SSPN: variants seen among roughly 807,000 people sequenced by gnomAD.
The protein encoded by SSPN is sarcospan.
In SSPN, 15 loss-of-function variants were observed where a neutral mutation model predicts 19.1. The ratio of observed to expected loss-of-function variants is 0.78; its 90% CI spans 0.52 to 1.21. The LOEUF (loss-of-function observed/expected upper bound fraction) is 1.21. SSPN is among the 50% of genes most tolerant of loss of function. The probability of loss-of-function intolerance (pLI) is 0.00; values close to 1 mark genes in which losing one functional copy is unlikely to be tolerated. For synonymous variants in SSPN, 147 were observed against 140.3 expected (o/e 1.05, Z -0.34); for missense variants, 291 against 314.0 (o/e 0.93, Z 0.55).
intron 1 of SSPN, among the ~76,000 whole-genome samples, chr12:26,149,470 A>G (rs1307086274): frequency 6.6e-6 from 1 of 152,226 alleles, no homozygotes; most frequent in Admixed American, 6.5e-5. Flanking sequence ...CAGAGCAGCC[A>G]AATGCCAGAC....
At chr12:26,198,085 A>C (rs181977217) in intron 1 of SSPN, among the ~76,000 whole-genome samples, 38 of 152,052 alleles carry the variant, frequency 2.5e-4, no homozygotes, top group African/African-American at 8.7e-4. Flanking sequence ...AACGAGGCAG[A>C]TGGCAAAGTG....
At chr12:26,135,217 T>C (rs966070651) in intron 1 of SSPN, among the ~76,000 whole-genome samples, 8 of 152,136 alleles carry the variant, frequency 5.3e-5, no homozygotes, top group Non-Finnish European at 7.4e-5. Flanking sequence ...GCGCAGAGTT[T>C]GGCCTGGCAA....
intron 1 of SSPN, among the ~76,000 whole-genome samples, chr12:26,130,185 A>AAG (rs1171267962): frequency 6.6e-6 from 1 of 152,214 alleles, no homozygotes; most frequent in African/African-American, 2.4e-5. Flanking sequence ...AGTCTGCAGG[A>AAG]AGAGGGGCCT....
At chr12:26,196,876 G>A (rs963691584) in intron 1 of SSPN, among the ~76,000 whole-genome samples, 3 of 152,146 alleles carry the variant, frequency 2.0e-5, no homozygotes, top group African/African-American at 7.2e-5. Flanking sequence ...CTATATCTGC[G>A]TTTTCCTCAT....
At chr12:26,196,232 T>A (rs1047397807) in intron 1 of SSPN, among the ~76,000 whole-genome samples, 3 of 152,212 alleles carry the variant, frequency 2.0e-5, no homozygotes, top group Non-Finnish European at 4.4e-5. Flanking sequence ...AAAAGCTGCT[T>A]ATTTTGGTCA....
chr12:26,209,327 G>A (rs1373616269), intron 1 of SSPN, among the ~76,000 whole-genome samples: 2 of 152,012 alleles, frequency 1.3e-5, no homozygotes, highest in African/African-American at 2.4e-5. Flanking sequence ...TTGAATGCTT[G>A]GGAAAAATGT....
intron 1 of SSPN, among the ~76,000 whole-genome samples, chr12:26,163,865 A>G (rs1944604638): frequency 6.6e-6 from 1 of 152,246 alleles, no homozygotes; most frequent in East Asian, 1.9e-4. Flanking sequence ...CTAGTATTCA[A>G]CAAATTTAAA....
At chr12:26,176,125 C>T (rs1944682443) in intron 1 of SSPN, among the ~76,000 whole-genome samples, 1 of 152,226 alleles carries the variant, frequency 6.6e-6, no homozygotes, top group African/African-American at 2.4e-5. Flanking sequence ...GCGTGAGCCT[C>T]AGTGCCTGGC....
Position 26,231,285 on chromosome 12 carries a change from C to A in SSPN, c.*209C>A. On this transcript the variant is annotated 3_prime_UTR_variant, in exon 3 of 3. Coordinates refer to ENST00000242729, the MANE Select transcript of SSPN (RefSeq NM_005086.5). ...ACATTCTTGCAGAGAAAGCAAGATC[C>A]AAATTGATTTTGGGATATTAAAAGT... 1 of 737,206 alleles carries A rather than the reference C, an allele frequency of 1.4e-6. No individual in the cohort carries two copies. Among genetic ancestry groups the A allele is most frequent in the Non-Finnish European group, 2.0e-6 (1 of 501,434 alleles). 45.7% of individuals were successfully genotyped at this position (737,206 alleles called of 1,614,324 possible).
chr12:26,195,641 G>GCGGGGGGGCC lies in SSPN; in HGVS notation c.-31_-30insGGGGGGGCCC. 3 of 1,105,388 alleles carry GCGGGGGGGCC rather than the reference G, an allele frequency of 2.7e-6. No individual in the cohort carries two copies. The highest frequency in any genetic ancestry group is 3.4e-6 in the Non-Finnish European group (3 of 878,106). The allele number at this position is 1,105,388 out of a possible 1,614,324, so 68.5% of individuals were successfully genotyped here. On this transcript the variant is annotated 5_prime_UTR_variant, in exon 1 of 3. Coordinates refer to ENST00000242729, the MANE Select transcript of SSPN (RefSeq NM_005086.5). ...CTCCAGGGCCCAGGGCGCCGCACAC[G>GCGGGGGGGCC]CACCCACCCACCCACCCAGCCTCGC...
chr12:26,218,729 G>A (rs1047578774), intron 1 of SSPN, among the ~76,000 whole-genome samples: 11 of 152,162 alleles, frequency 7.2e-5, no homozygotes, highest in Admixed American at 2.6e-4. Flanking sequence ...TGATCCGTGT[G>A]AAATGTTCTG....
chr12:26,134,236 TTTGA>T (rs1168677583), intron 1 of SSPN, among the ~76,000 whole-genome samples: 2 of 152,174 alleles, frequency 1.3e-5, no homozygotes, highest in African/African-American at 4.8e-5. Flanking sequence ...CTCACACTGT[TTTGA>T]TTGATTAGAA....
rs1462824345 is a variant in SSPN, at chr12:26,217,534, G to C, written c.280-6759G>C. On this transcript the variant is annotated intron_variant, in intron 1 of 2. Transcript: ENST00000242729. Reference sequence around the variant, plus strand: ...TGTCGTCTGCAAACAGGGACAATTTGACTTCCTCTTTTCCTAATTGAATAC... The same window carrying C: ...TGTCGTCTGCAAACAGGGACAATTTCACTTCCTCTTTTCCTAATTGAATAC... 5.5e-5 allele frequency among the ~76,000 whole-genome samples: 5 copies of C among 91,398 alleles called. No homozygotes were observed. In the Admixed American group the frequency reaches 6.4e-4, roughly 12 times the overall value. 60.0% of individuals were successfully genotyped at this position (91,398 alleles called of 152,430 possible).
intron 1 of SSPN, among the ~76,000 whole-genome samples, chr12:26,205,043 A>C (rs1396060413): frequency 6.6e-6 from 1 of 152,238 alleles, no homozygotes; most frequent in Non-Finnish European, 1.5e-5. Context: ...TGGGGCTGGC[A>C]AAAGTCCAGT....
At chr12:26,221,153 A>C (rs1357369604) in intron 1 of SSPN, among the ~76,000 whole-genome samples, 1 of 152,162 alleles carries the variant, frequency 6.6e-6, no homozygotes, top group Non-Finnish European at 1.5e-5. Context: ...ACCTAGAGGA[A>C]TCCTCAAATG....
chr12:26,129,650 T>C (rs1248776349), intron 1 of SSPN, among the ~76,000 whole-genome samples: 1 of 152,192 alleles, frequency 6.6e-6, no homozygotes, highest in Non-Finnish European at 1.5e-5. Flanking sequence ...CGTGTCCCCG[T>C]TTAATTTGTA....
chr12:26,145,053 G>A (rs1449360347), intron 1 of SSPN, among the ~76,000 whole-genome samples: 2 of 152,202 alleles, frequency 1.3e-5, no homozygotes, highest in Non-Finnish European at 2.9e-5. Flanking sequence ...ATTCACATTA[G>A]CTGAAGCAGT....
chr12:26,140,418 C>T lies in SSPN; in HGVS notation c.-31+18266C>T, dbSNP rs74753188. Among the ~76,000 whole-genome samples, 664 of 152,234 alleles carry T rather than the reference C, an allele frequency of 4.4e-3. 9 individuals are homozygous for T. Among genetic ancestry groups the T allele is most frequent in the African/African-American group, 0.016 (644 of 41,520 alleles). ...AAATACTTCTCAAATCTGGACAGTCCTCACCATCTTCAGTGCTGTCACCCT... is the reference window on the plus strand; with the variant it reads ...AAATACTTCTCAAATCTGGACAGTCTTCACCATCTTCAGTGCTGTCACCCT... On this transcript the variant is annotated intron_variant, in intron 1 of 2. Coordinates refer to the SSPN transcript ENST00000538142.
intron 1 of SSPN, among the ~76,000 whole-genome samples, chr12:26,201,015 A>ATATATATATATATATATATATATAT: frequency 6.0e-5 from 3 of 49,606 alleles, no homozygotes; most frequent in African/African-American, 2.6e-4. Flanking sequence ...ATTTGTGTAT[A>ATATATATATATATATATATATATAT]TATATATATA....
Sources: gnomAD v4.1 joint callset for allele counts (sites outside exome capture counted in the v4.1 genomes callset) on GRCh38, gnomAD v4.1.1 for gene constraint, MANE v1.5 for transcripts, NCBI Gene and HGNC (gene_info 2026-07-23, HGNC 2026-07-21) for gene names.